Variants in SORBS2 observed in about 807,000 individuals in gnomAD.
SORBS2 encodes sorbin and SH3 domain-containing protein 2.
SORBS2 carries 46 observed loss-of-function variants against 97.7 expected under a neutral mutation model. That is an observed-to-expected ratio of 0.47 (90% CI 0.37 to 0.60). SORBS2 has a LOEUF of 0.60. SORBS2 is among the 20% of genes least tolerant of loss of function. The probability of loss-of-function intolerance (pLI) is 0.00; values close to 1 mark genes in which losing one functional copy is unlikely to be tolerated. For synonymous variants in SORBS2, 476 were observed against 473.4 expected (o/e 1.01, Z -0.07); for missense variants, 1,316 against 1,282.3 (o/e 1.03, Z -0.40).
At chr4:185,953,724 T>C (rs2099278310) in intron 1 of SORBS2, among the ~76,000 whole-genome samples, 2 of 152,212 alleles carry the variant, frequency 1.3e-5, no homozygotes, top group African/African-American at 4.8e-5. Flanking sequence ...AACTCCATCA[T>C]CCCCAGTGAG....
At chr4:185,659,425 T>C (rs2097473473), upstream of SORBS2, among the ~76,000 whole-genome samples, 1 of 149,962 alleles carries the variant, frequency 6.7e-6, no homozygotes, top group East Asian at 2.0e-4. Context: ...TTTACTTCTT[T>C]ATTTTTTTTG....
At chr4:185,638,970 G>T (rs1394057169) in intron 4 of SORBS2, 11 of 1,523,276 alleles carry the variant, frequency 7.2e-6, no homozygotes, top group Non-Finnish European at 9.7e-6. Flanking sequence ...CTCCGAGTCG[G>T]GAGCTAGAAA....
intron 3 of SORBS2, among the ~76,000 whole-genome samples, chr4:185,648,129 GTT>G (rs57907928): frequency 2.8e-5 from 4 of 143,508 alleles, no homozygotes; most frequent in Non-Finnish European, 1.5e-5. Flanking sequence ...ATTTTTATTT[GTT>G]TTTTTTTTTT....
chr4:185,733,959 A>T (rs1022520664), intron 2 of SORBS2, 140 bp downstream of exon 3: 2 of 152,398 alleles, frequency 1.3e-5, no homozygotes, highest in African/African-American at 4.8e-5. Flanking sequence ...GGGCATGCGC[A>T]TATTCTTTGG....
intron 2 of SORBS2, among the ~76,000 whole-genome samples, chr4:185,705,070 G>C (rs2098324059): frequency 6.6e-6 from 1 of 152,224 alleles, no homozygotes; most frequent in Admixed American, 6.5e-5. Context: ...ACAAACACAT[G>C]TGCCCATGCA....
rs573001996 is a variant in SORBS2 at position 185,647,907 on chromosome 4, A to G, written c.282-1125T>C. On this transcript the variant is annotated intron_variant, in intron 3 of 14. Coordinates refer to ENST00000418609, the Ensembl canonical transcript of SORBS2. ...ATTTAATTTTAACAAAACATATCAG[A>G]TGGGTAATACCTTTAAATCAAAACG... is the stretch of plus-strand genomic sequence containing the variant. Among the ~76,000 whole-genome samples, 134 of 152,326 alleles carry G rather than the reference A, an allele frequency of 8.8e-4. 1 individual carries two copies. The highest frequency in any genetic ancestry group is 3.2e-3 in the African/African-American group (133 of 41,576).
At chr4:185,901,585 A>G (rs2099247827) in intron 1 of SORBS2, among the ~76,000 whole-genome samples, 2 of 152,182 alleles carry the variant, frequency 1.3e-5, no homozygotes. Flanking sequence ...GTTATTCTAT[A>G]TTTATACTAA....
At chr4:185,832,600 T>C (rs2099205753) in intron 1 of SORBS2, among the ~76,000 whole-genome samples, 1 of 152,342 alleles carries the variant, frequency 6.6e-6, no homozygotes, top group East Asian at 1.9e-4. Flanking sequence ...AACAGAATTA[T>C]TCCTTTTCTT....
intron 1 of SORBS2, among the ~76,000 whole-genome samples, chr4:185,786,079 C>T (rs2153639873): frequency 2.0e-5 from 3 of 152,248 alleles, no homozygotes; most frequent in Admixed American, 2.0e-4. Flanking sequence ...GGATTGGGCA[C>T]ACCTAGATAT....
At chr4:185,932,057 G>A (rs891048765) in intron 1 of SORBS2, among the ~76,000 whole-genome samples, 1 of 151,602 alleles carries the variant, frequency 6.6e-6, no homozygotes, top group East Asian at 1.9e-4. Flanking sequence ...TATTTAGTGT[G>A]TGTGTTTATT....
At chr4:185,779,251 C>T (rs975797509) in intron 1 of SORBS2, among the ~76,000 whole-genome samples, 2 of 152,196 alleles carry the variant, frequency 1.3e-5, no homozygotes, top group Admixed American at 1.3e-4. Context: ...TTACGCGTGG[C>T]TGTGGCTGTA....
intron 2 of SORBS2, among the ~76,000 whole-genome samples, chr4:185,747,238 A>G (rs906670312): frequency 3.3e-5 from 5 of 152,172 alleles, no homozygotes; most frequent in Admixed American, 6.5e-5. Flanking sequence ...TCTCACCTTG[A>G]TCTTGGACCT....
chr4:185,856,328 C>T (rs892698483), intron 1 of SORBS2, among the ~76,000 whole-genome samples: 1 of 151,960 alleles, frequency 6.6e-6, no homozygotes, highest in Admixed American at 6.6e-5. Flanking sequence ...TAGGTAAAAC[C>T]CCAAGAATAC....
At chr4:185,688,482 ATCTGTC>A (rs59801315) in intron 2 of SORBS2, among the ~76,000 whole-genome samples, 3 of 148,800 alleles carry the variant, frequency 2.0e-5, no homozygotes, top group South Asian at 2.1e-4. Flanking sequence ...TGCATTATCT[ATCTGTC>A]TATTGATAGA....
At chr4:185,768,660 C>T (rs541517792) in intron 2 of SORBS2, among the ~76,000 whole-genome samples, 4 of 139,320 alleles carry the variant, frequency 2.9e-5, no homozygotes, top group Non-Finnish European at 6.1e-5. Context: ...GATTGCACCA[C>T]AGCACTCCAG....
chr4:185,903,790 C>A (rs572524809), intron 1 of SORBS2, among the ~76,000 whole-genome samples: 1 of 152,192 alleles, frequency 6.6e-6, no homozygotes, highest in East Asian at 1.9e-4. Flanking sequence ...ACTTACAAAC[C>A]TGGCTTTGGT....
chr4:185,907,258 C>T (rs2099251516), intron 1 of SORBS2, among the ~76,000 whole-genome samples: 1 of 152,152 alleles, frequency 6.6e-6, no homozygotes, highest in African/African-American at 2.4e-5. Flanking sequence ...GGCCAAATTT[C>T]CTTGCTACCC....
chr4:185,742,161 G>A (rs915700833), intron 2 of SORBS2, among the ~76,000 whole-genome samples: 9 of 152,200 alleles, frequency 5.9e-5, no homozygotes, highest in Non-Finnish European at 1.0e-4. Context: ...CACAGTTTGG[G>A]GGTAGTGTTC....
intron 1 of SORBS2, among the ~76,000 whole-genome samples, chr4:185,655,591 A>T (rs1184607073): frequency 6.6e-6 from 1 of 152,202 alleles, no homozygotes; most frequent in East Asian, 1.9e-4. Flanking sequence ...GAACTTCTGC[A>T]TTGGTTATAT....
Sources: gnomAD v4.1 joint callset for allele counts (sites outside exome capture counted in the v4.1 genomes callset) on GRCh38, gnomAD v4.1.1 for gene constraint, MANE v1.5 for transcripts, NCBI Gene and HGNC (gene_info 2026-07-23, HGNC 2026-07-21) for gene names.